TMEM229B: variants seen among roughly 807,000 people sequenced by gnomAD.
The protein encoded by TMEM229B is transmembrane protein 229B.
In TMEM229B, 6 loss-of-function variants were observed where a neutral mutation model predicts 13.7. That is an observed-to-expected ratio of 0.44 (90% CI 0.24 to 0.86). The LOEUF is 0.86. Among genes scored for constraint, TMEM229B ranks in the 40% least tolerant of loss-of-function variants. TMEM229B has a pLI of 0.23. For synonymous variants in TMEM229B, 107 were observed against 102.1 expected, an observed-to-expected ratio of 1.05 and a Z score of -0.29; for missense variants, 170 against 236.0, an observed-to-expected ratio of 0.72 and a Z score of 1.83.
upstream of TMEM229B, among the ~76,000 whole-genome samples, chr14:67,490,592 C>G (rs1242209119): frequency 6.6e-6 from 1 of 152,188 alleles, no homozygotes; most frequent in Admixed American, 6.5e-5. Flanking sequence ...AAATTCCCTT[C>G]GCACCATTTT....
chr14:67,482,437 G>A (rs1439863130), intron 2 of TMEM229B, among the ~76,000 whole-genome samples: 1 of 152,200 alleles, frequency 6.6e-6, no homozygotes, highest in Non-Finnish European at 1.5e-5. Flanking sequence ...CATCTGGCCA[G>A]AAAATTGGGA....
intron 1 of TMEM229B, among the ~76,000 whole-genome samples, chr14:67,495,586 G>A (rs1178220104): frequency 6.6e-6 from 1 of 151,856 alleles, no homozygotes; most frequent in Non-Finnish European, 1.5e-5. Context: ...AGATTCAAGC[G>A]ATTCTCCTGC....
chr14:67,481,787 T>G, intron 2 of TMEM229B, among the ~76,000 whole-genome samples: 1 of 152,002 alleles, frequency 6.6e-6, no homozygotes, highest in Admixed American at 6.5e-5. Flanking sequence ...TTCCACTAGC[T>G]CCTTGCTCAG....
intron 1 of TMEM229B, among the ~76,000 whole-genome samples, chr14:67,504,380 T>C (rs1344107081): frequency 6.6e-6 from 1 of 152,204 alleles, no homozygotes; most frequent in African/African-American, 2.4e-5. Flanking sequence ...AGAAAGCATG[T>C]TTACTGTACT....
At chr14:67,511,127 G>A (rs1005532238) in intron 1 of TMEM229B, among the ~76,000 whole-genome samples, 1 of 152,100 alleles carries the variant, frequency 6.6e-6, no homozygotes, top group Non-Finnish European at 1.5e-5. Flanking sequence ...ATGTGACAGG[G>A]GTGCCTCTTA....
chr14:67,521,053 A>G (rs541263006), intron 1 of TMEM229B, among the ~76,000 whole-genome samples: 1 of 152,334 alleles, frequency 6.6e-6, no homozygotes, highest in Admixed American at 6.5e-5. Flanking sequence ...GTTCTTGGCT[A>G]TGAGAGAAAG....
At chr14:67,521,365 G>A (rs1051941608) in intron 1 of TMEM229B, among the ~76,000 whole-genome samples, 1 of 152,226 alleles carries the variant, frequency 6.6e-6, no homozygotes, top group African/African-American at 2.4e-5. Flanking sequence ...GTCACAGAGG[G>A]ATGGAAAGGG....
At chr14:67,514,044 G>A (rs1372896326) in intron 1 of TMEM229B, among the ~76,000 whole-genome samples, 1 of 152,156 alleles carries the variant, frequency 6.6e-6, no homozygotes, top group African/African-American at 2.4e-5. Flanking sequence ...AAGGCTGATA[G>A]CCACAGCAAT....
At chr14:67,529,266 T>G (rs1314057298) in intron 1 of TMEM229B, among the ~76,000 whole-genome samples, 1 of 152,154 alleles carries the variant, frequency 6.6e-6, no homozygotes, top group Non-Finnish European at 1.5e-5. Flanking sequence ...ACAGGTATAC[T>G]GAACAGATTA....
chr14:67,511,974 A>G (rs116351236), intron 1 of TMEM229B, among the ~76,000 whole-genome samples: 183 of 152,364 alleles, frequency 1.2e-3, no homozygotes, highest in African/African-American at 4.2e-3. Context: ...TCACAGCAGC[A>G]TGGGGCATCC....
chr14:67,498,682 T>A (rs2032487308), intron 1 of TMEM229B, among the ~76,000 whole-genome samples: 1 of 152,184 alleles, frequency 6.6e-6, no homozygotes, highest in South Asian at 2.1e-4. Context: ...GTTTTCCTTT[T>A]TAAGACAGAG....
upstream of TMEM229B, among the ~76,000 whole-genome samples, chr14:67,516,718 G>A (rs1025523906): frequency 1.3e-5 from 2 of 152,186 alleles, no homozygotes; most frequent in Non-Finnish European, 2.9e-5. Context: ...CTCAAAGCTG[G>A]GAGTAGGAAA....
upstream of TMEM229B, among the ~76,000 whole-genome samples, chr14:67,516,407 A>C (rs1246106340): frequency 6.6e-6 from 1 of 152,054 alleles, no homozygotes; most frequent in East Asian, 1.9e-4. Context: ...GAGGGGGGGA[A>C]ATGAGGAGAG....
intron 1 of TMEM229B, among the ~76,000 whole-genome samples, chr14:67,504,315 C>T (rs974261076): frequency 1.3e-5 from 2 of 152,148 alleles, no homozygotes; most frequent in Non-Finnish European, 2.9e-5. Flanking sequence ...TGCCCAGGCT[C>T]AGTTTGTTTG....
upstream of TMEM229B, among the ~76,000 whole-genome samples, chr14:67,493,298 C>T (rs1306622670): frequency 6.6e-6 from 1 of 152,210 alleles, no homozygotes; most frequent in Non-Finnish European, 1.5e-5. Context: ...AAGCATATGC[C>T]ATCACCTGTG....
chr14:67,504,898 A>G (rs2032763128), intron 1 of TMEM229B, among the ~76,000 whole-genome samples: 1 of 14,920 alleles, frequency 6.7e-5, no homozygotes, highest in Non-Finnish European at 6.1e-4. Flanking sequence ...AACAAAACAA[A>G]ACAAAAACAA....
At chr14:67,485,337 T>TA (rs1212029641) in intron 2 of TMEM229B, among the ~76,000 whole-genome samples, 1 of 152,154 alleles carries the variant, frequency 6.6e-6, no homozygotes, top group Non-Finnish European at 1.5e-5. Context: ...AGAACACACT[T>TA]CCTGAGAAAC....
chr14:67,509,304 T>G (rs145952581), intron 1 of TMEM229B, among the ~76,000 whole-genome samples: 1 of 145,752 alleles, frequency 6.9e-6, no homozygotes, highest in Non-Finnish European at 1.5e-5. Context: ...CTAGTTGTGT[T>G]TAATCCACAT....
intron 2 of TMEM229B, among the ~76,000 whole-genome samples, chr14:67,474,884 C>A (rs1350503087): frequency 6.6e-6 from 1 of 151,528 alleles, no homozygotes; most frequent in African/African-American, 2.4e-5. Flanking sequence ...TAAGGTTCAT[C>A]CATGTTGCAG....
Sources: allele counts gnomAD v4.1 joint callset (sites outside exome capture counted in the v4.1 genomes callset), GRCh38; gene constraint gnomAD v4.1.1; transcripts MANE v1.5; gene names NCBI Gene and HGNC (gene_info 2026-07-23, HGNC 2026-07-21).